The following AUTS2 variants were observed in gnomAD, a reference collection of about 807,000 sequenced individuals.
AUTS2 encodes activator of transcription and developmental regulator AUTS2.
In AUTS2, 17 loss-of-function variants were observed where a neutral mutation model predicts 112.4. That is an observed-to-expected ratio of 0.15 (90% CI 0.10 to 0.23). The LOEUF (loss-of-function observed/expected upper bound fraction) is 0.23, where lower values mean the gene tolerates loss of function less well. AUTS2 is among the 10% of genes least tolerant of loss of function. The pLI, the probability that AUTS2 is intolerant of heterozygous loss-of-function variation, is 1.00. For missense variants in AUTS2, 1,510 were observed against 1,701.6 expected, an observed-to-expected ratio of 0.89 and a Z score of 1.98; for synonymous variants, 751 against 702.7, an observed-to-expected ratio of 1.07 and a Z score of -1.09.
chr7:69,773,175 C>T (rs1436983093), intron 1 of AUTS2, among the ~76,000 whole-genome samples: 1 of 152,044 alleles, frequency 6.6e-6, no homozygotes, highest in African/African-American at 2.4e-5. Flanking sequence ...TGTCTCTTGC[C>T]TTACATGGAA....
intron 5 of AUTS2, among the ~76,000 whole-genome samples, chr7:70,617,638 G>C (rs796506094): frequency 2.1e-4 from 32 of 150,286 alleles, no homozygotes; most frequent in African/African-American, 6.9e-4. Flanking sequence ...ACACCAACCT[G>C]GGCGACAGAG....
chr7:70,710,244 C>T (rs1225932429), intron 6 of AUTS2, among the ~76,000 whole-genome samples: 1 of 118,692 alleles, frequency 8.4e-6, no homozygotes, highest in African/African-American at 3.3e-5. Context: ...GGGTGGGGGG[C>T]AGGGGCGAGA....
At chr7:70,318,081 G>T (rs555871317) in intron 4 of AUTS2, among the ~76,000 whole-genome samples, 3 of 152,164 alleles carry the variant, frequency 2.0e-5, no homozygotes, top group Non-Finnish European at 4.4e-5. Context: ...CAAGGATTAT[G>T]TGGGGATCCC....
At chr7:70,735,591 T>C (rs1461392603) in intron 6 of AUTS2, among the ~76,000 whole-genome samples, 2 of 152,174 alleles carry the variant, frequency 1.3e-5, no homozygotes, top group African/African-American at 4.8e-5. Flanking sequence ...CCTCATTCCC[T>C]GTGTCAGGGA....
intron 5 of AUTS2, among the ~76,000 whole-genome samples, chr7:70,688,285 A>G (rs1485562953): frequency 6.6e-6 from 1 of 152,202 alleles, no homozygotes; most frequent in African/African-American, 2.4e-5. Flanking sequence ...ACAAATTCCA[A>G]GATGTGGACA....
intron 1 of AUTS2, among the ~76,000 whole-genome samples, chr7:69,871,261 T>C (rs1342127254): frequency 6.6e-6 from 1 of 152,186 alleles, no homozygotes; most frequent in Non-Finnish European, 1.5e-5. Context: ...TAGAACACTA[T>C]TTCCAGCTTT....
At chr7:70,574,639 G>C (rs1802084668) in intron 5 of AUTS2, among the ~76,000 whole-genome samples, 1 of 152,028 alleles carries the variant, frequency 6.6e-6, no homozygotes, top group Admixed American at 6.6e-5. Context: ...ACACAGGCTG[G>C]GTTTCAACTT....
intron 4 of AUTS2, among the ~76,000 whole-genome samples, chr7:70,355,806 T>C (rs1016942801): frequency 3.9e-5 from 6 of 152,156 alleles, no homozygotes; most frequent in Non-Finnish European, 7.3e-5. Context: ...AAAAGATAGA[T>C]TGTTCCAAGT....
intron 4 of AUTS2, chr7:70,290,277 A>G (rs1421452356): frequency 2.9e-5 from 36 of 1,253,744 alleles, no homozygotes; most frequent in Admixed American, 4.1e-5. Context: ...CAAATTACCA[A>G]TGATGTAAAA....
At chr7:69,905,762 A>G (rs1795127344) in intron 2 of AUTS2, among the ~76,000 whole-genome samples, 1 of 152,182 alleles carries the variant, frequency 6.6e-6, no homozygotes, top group Non-Finnish European at 1.5e-5. Context: ...GTATTCTTTA[A>G]TCCAGTCAAG....
intron 5 of AUTS2, among the ~76,000 whole-genome samples, chr7:70,581,649 C>T (rs113845128): frequency 0.015 from 2,203 of 151,892 alleles, 45 homozygotes; most frequent in African/African-American, 0.05. Context: ...AGTACTCTCA[C>T]CCACCTGACC....
intron 5 of AUTS2, among the ~76,000 whole-genome samples, chr7:70,625,866 T>C (rs2057911): frequency 0.87 from 132,656 of 152,242 alleles, 58,119 homozygotes; most frequent in African/African-American, 0.95. Flanking sequence ...TTTTTCAGCT[T>C]TCGAATCATC....
At chr7:70,512,297 T>G (rs1799228747) in intron 5 of AUTS2, among the ~76,000 whole-genome samples, 1 of 152,236 alleles carries the variant, frequency 6.6e-6, no homozygotes, top group East Asian at 1.9e-4. Context: ...TGGACATTGC[T>G]AAGCCTGCTG....
chr7:70,606,344 T>G (rs567582446), intron 5 of AUTS2, among the ~76,000 whole-genome samples: 77 of 152,100 alleles, frequency 5.1e-4, no homozygotes, highest in African/African-American at 1.9e-3. Context: ...AGTTAATATT[T>G]GTATTTATAT....
At chr7:70,362,198 A>G (rs1234684372) in intron 4 of AUTS2, among the ~76,000 whole-genome samples, 2 of 152,160 alleles carry the variant, frequency 1.3e-5, no homozygotes, top group East Asian at 1.9e-4. Context: ...ATGGATGACA[A>G]TTAGGGCTGG....
chr7:69,944,138 A>G (rs1796723443), intron 2 of AUTS2, among the ~76,000 whole-genome samples: 1 of 152,196 alleles, frequency 6.6e-6, no homozygotes, highest in South Asian at 2.1e-4. Context: ...TGGGGGAGAC[A>G]GTGTCCTCCA....
chr7:70,082,372 C>T (rs1803364745), intron 2 of AUTS2, among the ~76,000 whole-genome samples: 1 of 152,134 alleles, frequency 6.6e-6, no homozygotes, highest in Non-Finnish European at 1.5e-5. Context: ...TAATTCAAAG[C>T]AGGAGTCAGG....
chr7:70,557,623 G>A (rs1585299921), intron 5 of AUTS2, among the ~76,000 whole-genome samples: 1 of 152,304 alleles, frequency 6.6e-6, no homozygotes, highest in South Asian at 2.1e-4. Context: ...CATTACCATA[G>A]GTTACAGCAA....
At chr7:70,066,595 C>A (rs1244375064) in intron 2 of AUTS2, among the ~76,000 whole-genome samples, 1 of 146,654 alleles carries the variant, frequency 6.8e-6, no homozygotes, top group African/African-American at 2.5e-5. Context: ...GGCTGGAGTG[C>A]AATGGCGCTG....
Sources: allele counts gnomAD v4.1 joint callset (sites outside exome capture counted in the v4.1 genomes callset), GRCh38; gene constraint gnomAD v4.1.1; transcripts MANE v1.5; gene names NCBI Gene and HGNC (gene_info 2026-07-23, HGNC 2026-07-21).